Variants in FARP2 observed in about 807,000 individuals in gnomAD.
FARP2 encodes FERM, ARH/RhoGEF and pleckstrin domain protein 2, also known as FERM, ARHGEF and pleckstrin domain-containing protein 2.
Under a neutral mutation model 130.5 loss-of-function variants are expected in FARP2, and 111 were observed. That is an observed-to-expected ratio of 0.85 (90% CI 0.73 to 1.00). FARP2 has a LOEUF of 1.00. Ranked by LOEUF, FARP2 falls within the 50% of genes least tolerant of loss-of-function variation. FARP2 has a pLI of 0.00. For synonymous variants in FARP2, 504 were observed against 516.9 expected, an observed-to-expected ratio of 0.98 and a Z score of 0.34; for missense variants, 1,385 against 1,346.3, an observed-to-expected ratio of 1.03 and a Z score of -0.45.
At chr2:241,425,952 T>G (rs1166035922) in intron 8 of FARP2, among the ~76,000 whole-genome samples, 8 of 151,502 alleles carry the variant, frequency 5.3e-5, no homozygotes, top group African/African-American at 2.4e-5. Context: ...TTGGTGTGTG[T>G]GGGGCTCTAG....
intron 4 of FARP2, among the ~76,000 whole-genome samples, chr2:241,406,611 T>C: frequency 6.6e-6 from 1 of 150,378 alleles, no homozygotes; most frequent in South Asian, 2.1e-4. Context: ...CATATCTGGC[T>C]AATTTGGGGT....
At position 241,362,494 on chromosome 2, in the gene FARP2, C is replaced by T. The variant is rs577883230; in HGVS notation, c.-25+6106C>T. ...GCGGGCGCCTGTGATCCCAACTACT[C>T]GGGAGGCTGAGGCAGGAGAATGGCG... is the stretch of plus-strand genomic sequence containing the variant. On this transcript the variant is annotated intron_variant, in intron 1 of 26. Transcript: ENST00000264042. 1.3e-4 allele frequency among the ~76,000 whole-genome samples: 20 copies of T among 152,038 alleles called. No homozygotes were observed. The South Asian group carries it at 1.7e-3, about 13-fold the overall frequency.
chr2:241,433,862 C>CA (rs1173574651), intron 9 of FARP2, among the ~76,000 whole-genome samples: 2 of 151,994 alleles, frequency 1.3e-5, no homozygotes, highest in African/African-American at 4.8e-5. Context: ...CCTTTTTCTA[C>CA]AAAAAATACA....
chr2:241,489,249 T>G (rs915538944), intron 21 of FARP2: 1 of 152,274 alleles, frequency 6.6e-6, no homozygotes, highest in African/African-American at 2.4e-5. Context: ...TGGCCCTCGT[T>G]CCTGACTGTT....
intron 13 of FARP2, among the ~76,000 whole-genome samples, chr2:241,451,268 C>T (rs540743364): frequency 5.9e-5 from 9 of 152,340 alleles, no homozygotes; most frequent in Admixed American, 2.0e-4. Flanking sequence ...GCCACCACTC[C>T]TGGCCAATTT....
chr2:241,465,015 C>T (rs188042648), intron 17 of FARP2, among the ~76,000 whole-genome samples: 3 of 152,226 alleles, frequency 2.0e-5, no homozygotes, highest in Admixed American at 1.3e-4. Flanking sequence ...AACATGGTCT[C>T]CCTCCAATCA....
intron 2 of FARP2, among the ~76,000 whole-genome samples, chr2:241,375,986 G>A (rs1370642884): frequency 6.6e-6 from 1 of 152,144 alleles, no homozygotes; most frequent in Non-Finnish European, 1.5e-5. Context: ...CTGCTTCCAA[G>A]TACCCTGTCC....
chr2:241,414,256 G>A (rs948617058), intron 7 of FARP2, among the ~76,000 whole-genome samples: 1 of 152,172 alleles, frequency 6.6e-6, no homozygotes, highest in Non-Finnish European at 1.5e-5. Context: ...CCTAGAGAAG[G>A]AGTGCTAGCT....
In FARP2 at chr2:241,380,094, T is replaced by C. The variant is rs548433648; in HGVS notation, c.183+6804T>C. On this transcript the variant is annotated intron_variant, in intron 2 of 26. Transcript: ENST00000264042. ...CAGCAAGGGCGACTGATGAAGAAGT[T>C]AGGCCAGCAAATGGAAAAGAATAGG... Among the ~76,000 whole-genome samples, 60 of 152,320 alleles carry C rather than the reference T, an allele frequency of 3.9e-4. 1 individual carries two copies. The highest frequency in any genetic ancestry group is 1.3e-3 in the African/African-American group (56 of 41,552).
chr2:241,492,497 C>A (rs963323187), intron 24 of FARP2, among the ~76,000 whole-genome samples: 1 of 152,264 alleles, frequency 6.6e-6, no homozygotes, highest in African/African-American at 2.4e-5. Context: ...ATGCCTAATC[C>A]TGGCAGAACA....
chr2:241,489,965 G>A lies in FARP2; in HGVS notation c.2425G>A (p.Glu809Lys), dbSNP rs761808991. ...GGACCGTTTCTCCCACCCACAGGTG[G>A]AAGAAAGTGATAACGAGTGGTCTGT... The part of the protein sequence containing the change: ...GLLPLQGMLV[E>K]ESDNEWSVPH... Residue 809 changes from glutamate (E) to lysine (K), a missense_variant, in exon 22 of 27, where the codon GAA becomes AAA. Transcript: ENST00000264042. 1 of 1,611,914 alleles carries A rather than the reference G, an allele frequency of 6.2e-7. No individual in the cohort carries two copies. Among genetic ancestry groups the A allele is most frequent in the Admixed American group, 1.7e-5 (1 of 60,012 alleles).
intron 2 of FARP2, among the ~76,000 whole-genome samples, chr2:241,388,312 C>T (rs1389223977): frequency 1.3e-5 from 2 of 152,168 alleles, no homozygotes; most frequent in Non-Finnish European, 2.9e-5. Context: ...AAAAGAATGT[C>T]AAGACAATCA....
chr2:241,469,283 C>T (rs1338311618), intron 18 of FARP2, among the ~76,000 whole-genome samples: 1 of 152,124 alleles, frequency 6.6e-6, no homozygotes, highest in African/African-American at 2.4e-5. Flanking sequence ...GATAGGGTTT[C>T]ACCGTGTTGG....
intron 13 of FARP2, 66 bp from the exon 14 acceptor site, chr2:241,456,681 G>A (rs572760441): frequency 9.1e-6 from 14 of 1,539,526 alleles, no homozygotes; most frequent in Admixed American, 3.4e-5. Context: ...GAGTAGTAGC[G>A]GCTCTAAGCC....
At chr2:241,446,765 T>A (rs2150427719) in intron 13 of FARP2, 1 of 152,364 alleles carries the variant, frequency 6.6e-6, no homozygotes, top group Admixed American at 6.5e-5. Context: ...CAGAATCGTA[T>A]CTGCTGTGGT....
intron 2 of FARP2, chr2:241,386,645 A>C (rs1289247669): frequency 6.6e-6 from 1 of 152,152 alleles, no homozygotes; most frequent in African/African-American, 2.4e-5. Flanking sequence ...ATTCAGGGGG[A>C]GTATGGAACG....
At chr2:241,486,874 C>T (rs2064765865) in intron 21 of FARP2, among the ~76,000 whole-genome samples, 1 of 152,220 alleles carries the variant, frequency 6.6e-6, no homozygotes, top group Non-Finnish European at 1.5e-5. Context: ...TGCATCTTTC[C>T]CTCCACCATG....
At chr2:241,481,730 T>G (rs2064620695) in intron 19 of FARP2, among the ~76,000 whole-genome samples, 1 of 152,174 alleles carries the variant, frequency 6.6e-6, no homozygotes. Flanking sequence ...TCACTGGGTC[T>G]TATAGATGGT....
At chr2:241,396,124 T>C (rs2062022084) in intron 2 of FARP2, 1 of 152,118 alleles carries the variant, frequency 6.6e-6, no homozygotes, top group African/African-American at 2.4e-5. Context: ...GAAAACTGGC[T>C]AGCCATATGT....
Sources: gnomAD v4.1 joint callset for allele counts (sites outside exome capture counted in the v4.1 genomes callset) on GRCh38, gnomAD v4.1.1 for gene constraint, MANE v1.5 for transcripts, NCBI Gene and HGNC (gene_info 2026-07-23, HGNC 2026-07-21) for gene names.